Variants in NRG3 observed in about 807,000 individuals in gnomAD.
NRG3 encodes pro-neuregulin-3, membrane-bound isoform.
NRG3 carries 31 observed loss-of-function variants against 66.9 expected under a neutral mutation model. The ratio of observed to expected loss-of-function variants is 0.46; its 90% CI spans 0.35 to 0.63. The LOEUF is 0.63. Among genes scored for constraint, NRG3 ranks in the 20% least tolerant of loss-of-function variants. NRG3 has a pLI of 0.00. For synonymous variants in NRG3, 393 were observed against 359.4 expected (o/e 1.09, Z -1.06); for missense variants, 910 against 878.9 (o/e 1.04, Z -0.45).
chr10:82,867,662 T>A (rs1840886790), intron 4 of NRG3, among the ~76,000 whole-genome samples: 1 of 152,026 alleles, frequency 6.6e-6, no homozygotes, highest in East Asian at 1.9e-4. Flanking sequence ...TCAGCTAAAA[T>A]AGGAGAACAA....
intron 2 of NRG3, among the ~76,000 whole-genome samples, chr10:82,550,799 G>A (rs1369020882): frequency 6.6e-6 from 1 of 151,988 alleles, no homozygotes. Flanking sequence ...TGTGTTGCAG[G>A]GCTAACATTC....
At chr10:82,721,222 C>A (rs2057298543) in intron 2 of NRG3, among the ~76,000 whole-genome samples, 1 of 148,788 alleles carries the variant, frequency 6.7e-6, no homozygotes, top group Non-Finnish European at 1.5e-5. Flanking sequence ...AGCTCCACCT[C>A]CCAGGTTCAC....
At chr10:82,618,249 G>A (rs138716423) in intron 2 of NRG3, among the ~76,000 whole-genome samples, 57 of 152,280 alleles carry the variant, frequency 3.7e-4, no homozygotes, top group African/African-American at 1.3e-3. Flanking sequence ...GACAGTGCAA[G>A]CGACAATCAG....
intron 1 of NRG3, among the ~76,000 whole-genome samples, chr10:82,280,067 CA>C (rs1166556254): frequency 6.6e-6 from 1 of 152,066 alleles, no homozygotes; most frequent in Non-Finnish European, 1.5e-5. Flanking sequence ...TTCTGATTAA[CA>C]GTTGAGGCAG....
chr10:82,348,301 G>T (rs1210813544), intron 1 of NRG3, among the ~76,000 whole-genome samples: 1 of 150,946 alleles, frequency 6.6e-6, no homozygotes, highest in Non-Finnish European at 1.5e-5. Flanking sequence ...TGTCTGTAAA[G>T]TATTTTATTT....
chr10:82,121,145 A>G (rs2068064242), intron 1 of NRG3, among the ~76,000 whole-genome samples: 1 of 152,026 alleles, frequency 6.6e-6, no homozygotes, highest in Non-Finnish European at 1.5e-5. Flanking sequence ...TGCTCTGTGT[A>G]ACTCCAGTAA....
chr10:81,926,824 C>T (rs1846840249), intron 1 of NRG3, among the ~76,000 whole-genome samples: 1 of 152,174 alleles, frequency 6.6e-6, no homozygotes, highest in Admixed American at 6.5e-5. Context: ...CTGACTGCCA[C>T]TTATTAGTCA....
intron 1 of NRG3, among the ~76,000 whole-genome samples, chr10:82,195,615 A>G (rs890103703): frequency 6.6e-6 from 1 of 152,138 alleles, no homozygotes; most frequent in Non-Finnish European, 1.5e-5. Flanking sequence ...CCTGCACCAC[A>G]GATACCCATG....
intron 1 of NRG3, among the ~76,000 whole-genome samples, chr10:82,170,315 CAGAG>C (rs1002702493): frequency 6.6e-6 from 1 of 152,022 alleles, no homozygotes; most frequent in African/African-American, 2.4e-5. Context: ...GTCCAAAAGA[CAGAG>C]AGAGCAAGCA....
At chr10:82,378,205 A>G (rs994275518) in intron 2 of NRG3, among the ~76,000 whole-genome samples, 3 of 152,228 alleles carry the variant, frequency 2.0e-5, no homozygotes, top group African/African-American at 2.4e-5. Context: ...ACACTCCCCA[A>G]CATCAACCTG....
At chr10:81,895,640 C>T (rs538053611) in intron 1 of NRG3, among the ~76,000 whole-genome samples, 97 of 152,226 alleles carry the variant, frequency 6.4e-4, no homozygotes, top group African/African-American at 2.2e-3. Flanking sequence ...TGTGTGTCCA[C>T]GTGTGCATGT....
chr10:82,531,879 G>C (rs1565034882), intron 2 of NRG3, among the ~76,000 whole-genome samples: 1 of 151,822 alleles, frequency 6.6e-6, no homozygotes, highest in East Asian at 1.9e-4. Flanking sequence ...GTGGTACACT[G>C]TTGTACAGCA....
intron 1 of NRG3, among the ~76,000 whole-genome samples, chr10:82,275,310 A>G (rs2134366402): frequency 6.6e-6 from 1 of 152,084 alleles, no homozygotes; most frequent in Middle Eastern, 3.4e-3. Context: ...GAGTTAGGAA[A>G]TTTTGTAAAC....
intron 3 of NRG3, among the ~76,000 whole-genome samples, chr10:82,769,501 AT>A (rs2059636672): frequency 1.3e-5 from 2 of 152,256 alleles, no homozygotes; most frequent in Admixed American, 6.6e-5. Flanking sequence ...TATTAAAAAA[AT>A]ATTTTGAGAT....
At chr10:81,950,562 T>C (rs1258728770) in intron 1 of NRG3, among the ~76,000 whole-genome samples, 3 of 152,178 alleles carry the variant, frequency 2.0e-5, no homozygotes, top group African/African-American at 7.2e-5. Flanking sequence ...GCTGCTGAAG[T>C]GTGGGCTGGT....
chr10:82,370,880 G>C (rs1180777659), intron 2 of NRG3, among the ~76,000 whole-genome samples: 1 of 151,910 alleles, frequency 6.6e-6, no homozygotes, highest in African/African-American at 2.4e-5. Context: ...AATGCTCACA[G>C]CGATTCTGGT....
intron 2 of NRG3, among the ~76,000 whole-genome samples, chr10:82,450,019 A>G (rs1229681755): frequency 6.6e-6 from 1 of 152,218 alleles, no homozygotes; most frequent in East Asian, 1.9e-4. Context: ...TTTAAGCAGT[A>G]TTTCTGCAAG....
chr10:81,921,146 G>C (rs1846214605), intron 1 of NRG3, among the ~76,000 whole-genome samples: 1 of 151,932 alleles, frequency 6.6e-6, no homozygotes, highest in African/African-American at 2.4e-5. Flanking sequence ...ACTGAGGCTT[G>C]TTATAATAAA....
chr10:81,963,065 A>G (rs1054220053), intron 1 of NRG3, among the ~76,000 whole-genome samples: 1 of 151,034 alleles, frequency 6.6e-6, no homozygotes. Flanking sequence ...AATGCAAACA[A>G]ATGTGTGGGA....
Sources: gnomAD v4.1 joint callset for allele counts (sites outside exome capture counted in the v4.1 genomes callset) on GRCh38, gnomAD v4.1.1 for gene constraint, MANE v1.5 for transcripts, NCBI Gene and HGNC (gene_info 2026-07-23, HGNC 2026-07-21) for gene names.